CCDC146: variants seen among roughly 807,000 people sequenced by gnomAD.
CCDC146 encodes the protein coiled-coil domain-containing protein 146.
CCDC146 carries 92 observed loss-of-function variants against 119.3 expected under a neutral mutation model. That is an observed-to-expected ratio of 0.77 (90% CI 0.65 to 0.92). The LOEUF (loss-of-function observed/expected upper bound fraction) is 0.92, where lower values mean the gene tolerates loss of function less well. Ranked by LOEUF, CCDC146 falls within the 40% of genes least tolerant of loss-of-function variation. CCDC146 has a pLI of 0.00. For missense variants in CCDC146, 1,000 were observed against 1,103.0 expected (o/e 0.91, Z 1.32); for synonymous variants, 372 against 371.8 (o/e 1.00, Z -0.01).
At chr7:77,287,030 T>C in intron 16 of CCDC146, 104 bp downstream of exon 16, 6 of 1,233,566 alleles carry the variant, frequency 4.9e-6, no homozygotes, top group Non-Finnish European at 5.8e-6. Context: ...CTATCCTTCA[T>C]TATTCTAGTC....
Position 77,254,400 on chromosome 7 carries a change from C to T in CCDC146, c.450-106C>T, listed in dbSNP as rs2056709. The T allele has an allele frequency of 2.5e-3, 1,597 of 643,042 alleles. 21 individuals are homozygous for T. Among genetic ancestry groups the T allele is most frequent in the African/African-American group, 4.3e-3 (234 of 53,974 alleles). The allele number at this position is 643,042 out of a possible 1,614,324, so 39.8% of individuals were successfully genotyped here. The stretch of plus-strand genomic sequence containing the variant: ...AAGAATGGACACCAGGTTGCCTGGC[C>T]GACAAGCATGGGAATGACATTCTGG... On this transcript the variant is annotated intron_variant, in intron 4 of 18. Coordinates refer to ENST00000285871, the MANE Select transcript of CCDC146 (RefSeq NM_020879.3).
At chr7:77,240,487 T>G (rs1792822388) in intron 3 of CCDC146, among the ~76,000 whole-genome samples, 1 of 152,254 alleles carries the variant, frequency 6.6e-6, no homozygotes, top group Admixed American at 6.5e-5. Context: ...GTATAGTATT[T>G]GCATGTAACT....
chr7:77,260,041 A>G lies in CCDC146; in HGVS notation c.791A>G (p.Gln264Arg). ...EMEKKKIVLE[Q>R]EVKTLNDSLK... ...GAAAAGAAAAAAATTGTCTTGGAAC[A>G]AGAAGTCAAAACGCTAAATGACTCC... The change falls in exon 8 of 19, where the codon CAA (glutamine) becomes CGA (arginine). Residue 264 changes from glutamine to arginine, a missense_variant. Transcript: ENST00000285871. 6.2e-7 allele frequency: 1 copy of G among 1,613,026 alleles called. No individual in the cohort carries two copies. Among genetic ancestry groups the G allele is most frequent in the South Asian group, 1.1e-5 (1 of 91,024 alleles).
At chr7:77,160,608 C>T (rs1791246609) in intron 1 of CCDC146, among the ~76,000 whole-genome samples, 1 of 152,014 alleles carries the variant, frequency 6.6e-6, no homozygotes, top group South Asian at 2.1e-4. Context: ...GTGATTTTTG[C>T]ACATTGATTT....
chr7:77,161,517 C>T (rs1159915498), intron 1 of CCDC146, among the ~76,000 whole-genome samples: 1 of 151,542 alleles, frequency 6.6e-6, no homozygotes, highest in African/African-American at 2.4e-5. Context: ...AATCATCATT[C>T]TCAGTAAACT....
intron 9 of CCDC146, among the ~76,000 whole-genome samples, chr7:77,272,985 C>T (rs1292184273): frequency 6.6e-6 from 1 of 152,122 alleles, no homozygotes; most frequent in East Asian, 1.9e-4. Context: ...ACATATTTTT[C>T]TTTATCCTAT....
intron 11 of CCDC146, among the ~76,000 whole-genome samples, chr7:77,277,801 G>T (rs1361641942): frequency 6.6e-6 from 1 of 151,744 alleles, no homozygotes; most frequent in Non-Finnish European, 1.5e-5. Context: ...AAAGGGCTTT[G>T]CTCTCAGTCC....
At chr7:77,193,546 C>A (rs1791809384) in intron 2 of CCDC146, 1 of 152,198 alleles carries the variant, frequency 6.6e-6, no homozygotes, top group Admixed American at 6.5e-5. Flanking sequence ...CCTTTAAAAC[C>A]TTTTCTTGGG....
rs544661450 is a variant in CCDC146, at chr7:77,140,837, T to C, written c.-12+18105T>C. Among the ~76,000 whole-genome samples the C allele has an allele frequency of 1.8e-4, 27 of 152,346 alleles. No individual in the cohort carries two copies. In the South Asian group the frequency reaches 5.2e-3, roughly 29 times the overall value. ...ACACGTTGATATATTGATATCAATA[T>C]TGATATATCGATATCACATTGATAT... is the stretch of plus-strand genomic sequence containing the variant. On this transcript the variant is annotated intron_variant, in intron 1 of 18. Transcript: ENST00000285871.
chr7:77,145,240 A>G (rs542135590), intron 1 of CCDC146, among the ~76,000 whole-genome samples: 1 of 151,784 alleles, frequency 6.6e-6, no homozygotes, highest in East Asian at 1.9e-4. Context: ...GATAGTTTGT[A>G]TTTCTGTGGG....
intron 1 of CCDC146, among the ~76,000 whole-genome samples, chr7:77,166,777 G>A (rs1020912000): frequency 5.3e-5 from 8 of 152,060 alleles, no homozygotes; most frequent in African/African-American, 1.9e-4. Context: ...ATTTTGACAA[G>A]GAATCCCAGA....
Position 77,273,805 on chromosome 7 carries a change from C to G in CCDC146, c.1269+16C>G, listed in dbSNP as rs143842870. 48 of 1,512,664 alleles carry G rather than the reference C, an allele frequency of 3.2e-5. No homozygotes were observed. Among genetic ancestry groups the G allele is most frequent in the Non-Finnish European group, 4.1e-5 (45 of 1,090,850 alleles). The allele number at this position is 1,512,664 out of a possible 1,614,324, so 93.7% of individuals were successfully genotyped here. A position where few individuals can be genotyped will look rare whatever the true frequency, so the allele number is the denominator to read the frequency against. Reference sequence around the variant, plus strand: ...GGCCCAACAGGTTAATATCAATGCTCATTTAAGCTTCTATCTAAGAAGCGT... The same window carrying G: ...GGCCCAACAGGTTAATATCAATGCTGATTTAAGCTTCTATCTAAGAAGCGT... On this transcript the variant is annotated intron_variant, in intron 10 of 18. Transcript: ENST00000285871.
At chr7:77,206,664 T>TAC (rs1253735054) in intron 2 of CCDC146, among the ~76,000 whole-genome samples, 2,061 of 140,560 alleles carry the variant, frequency 0.015, 48 homozygotes, top group African/African-American at 0.059. Context: ...TATATATATA[T>TAC]ATATATATAC....
intron 2 of CCDC146, among the ~76,000 whole-genome samples, chr7:77,192,980 T>A (rs1337456134): frequency 6.6e-6 from 1 of 152,108 alleles, no homozygotes; most frequent in Non-Finnish European, 1.5e-5. Context: ...TTGAAAGTTT[T>A]TTAAGCAGGA....
chr7:77,217,600 T>G (rs1792324895), intron 2 of CCDC146, among the ~76,000 whole-genome samples: 1 of 151,960 alleles, frequency 6.6e-6, no homozygotes, highest in African/African-American at 2.4e-5. Context: ...TATATAGTTC[T>G]ATATGGGTGT....
rs150031840 is a variant in CCDC146 at position 77,126,251 on chromosome 7, C to T, written c.-12+3519C>T. Among the ~76,000 whole-genome samples, 4 of 152,094 alleles carry T rather than the reference C, an allele frequency of 2.6e-5. 1 individual carries two copies. In the East Asian group the frequency reaches 7.7e-4, roughly 29 times the overall value. ...TTCTGATTTATTGATATGTGTATTA[C>T]AGTGATTGATTTTCAAGTGTTTCAT... On this transcript the variant is annotated intron_variant, in intron 1 of 18. Coordinates refer to ENST00000285871, the MANE Select transcript of CCDC146 (RefSeq NM_020879.3).
rs752209581 is a variant in CCDC146 at position 77,273,737 on chromosome 7, G to A, written c.1217G>A (p.Arg406Lys). ...GATGATTCTACATTATCTGAGAGAA[G>A]GCGAGAGCTTCACAAGGAAGTTGAA... ...PKDDSTLSER[R>K]RELHKEVEVA... The change falls in exon 10 of 19, where the codon AGG becomes AAG. Residue 406 changes from arginine (R) to lysine (K), a missense_variant. Coordinates refer to ENST00000285871, the MANE Select transcript of CCDC146 (RefSeq NM_020879.3). 3.5e-5 allele frequency: 56 copies of A among 1,610,412 alleles called. No homozygotes were observed. Among genetic ancestry groups the A allele is most frequent in the Non-Finnish European group, 4.8e-5 (56 of 1,177,762 alleles).
intron 17 of CCDC146, 70 bp from the exon 18 acceptor site, chr7:77,292,882 C>G: frequency 6.6e-7 from 1 of 1,510,850 alleles, no homozygotes. Context: ...TTATAGACAG[C>G]CAGCAGCCTG....
Position 77,262,156 on chromosome 7 carries a change from T to C in CCDC146, c.1022T>C (p.Ile341Thr), listed in dbSNP as rs1367781875. The C allele has an allele frequency of 3.7e-6, 6 of 1,610,980 alleles. No individual in the cohort carries two copies. Among genetic ancestry groups the C allele is most frequent in the Non-Finnish European group, 5.1e-6 (6 of 1,179,000 alleles). ...GATCTCAATTTACGCAACAGTCTCATTGACAAGCAGAACTACCATGATGAA... is the reference window on the plus strand; with the variant it reads ...GATCTCAATTTACGCAACAGTCTCACTGACAAGCAGAACTACCATGATGAA... ...ILDLNLRNSLIDKQNYHDELS... is the reference protein window; with the variant it reads ...ILDLNLRNSLTDKQNYHDELS... Residue 341 changes from isoleucine to threonine, a missense_variant, in exon 9 of 19, where the codon ATT becomes ACT. Physicochemically the swap from Ile to Thr is moderately conservative, Grantham distance 89. Around this residue, in one of 2 missense-constraint regions of CCDC146, gnomAD observed 985 missense variants for 1,045.3 expected, o/e 0.94. Coordinates refer to ENST00000285871, the MANE Select transcript of CCDC146 (RefSeq NM_020879.3).
Sources: gnomAD v4.1 joint callset for allele counts (sites outside exome capture counted in the v4.1 genomes callset) on GRCh38, gnomAD v4.1.1 for gene constraint, gnomAD v4.1.1 regional missense constraint, MANE v1.5 for transcripts, NCBI Gene and HGNC (gene_info 2026-07-23, HGNC 2026-07-21) for gene names.